Variants in COP1 observed in about 807,000 individuals in gnomAD.
The protein encoded by COP1 is COP1 E3 ubiquitin ligase.
COP1 carries 24 observed loss-of-function variants against 101.3 expected under a neutral mutation model. The observed-to-expected ratio is 0.24, with a 90% CI of 0.17 to 0.33. The LOEUF is 0.33. Among genes scored for constraint, COP1 ranks in the 10% least tolerant of loss-of-function variants. The probability of loss-of-function intolerance (pLI) is 1.00; values close to 1 mark genes in which losing one functional copy is unlikely to be tolerated. For synonymous variants in COP1, 347 were observed against 341.9 expected, an observed-to-expected ratio of 1.01 and a Z score of -0.17; for missense variants, 663 against 906.2, an observed-to-expected ratio of 0.73 and a Z score of 3.45.
In COP1 at chr1:175,978,599, T is replaced by A. The variant is rs192271786; in HGVS notation, c.2133+8344A>T. On this transcript the variant is annotated intron_variant, in intron 18 of 19. Transcript: ENST00000367669. ...GAAGAGTGAGGCACTGAGGAGGAGA[T>A]GGGAGTCTTTCTGGAAGTCAGGGTC... Among the ~76,000 whole-genome samples the A allele has an allele frequency of 3.0e-3, 455 of 152,156 alleles. 2 individuals are homozygous for A. Among genetic ancestry groups the A allele is most frequent in the African/African-American group, 0.01 (428 of 41,532 alleles).
In COP1 at chr1:176,081,238, G is replaced by A. The variant is rs1679076155; in HGVS notation, c.1191C>T (p.Ser397=). The A allele has an allele frequency of 1.9e-6, 3 of 1,608,244 alleles. No individual in the cohort carries two copies. Among genetic ancestry groups the A allele is most frequent in the Non-Finnish European group, 2.5e-6 (3 of 1,177,158 alleles). ...GTACTGAATTATATCGAGTAAACTT[G>A]GACAAGCATTCCTGAAATTCATCCA... ...SQLDEFQECL[S]KFTRYNSVRP... is the part of the protein sequence containing the mutation. The change falls in exon 11 of 20, where the codon TCC becomes TCT. Residue 397 remains serine (S), a synonymous_variant. Transcript: ENST00000367669.
At chr1:176,187,664 A>C (rs1698640524) in intron 1 of COP1, among the ~76,000 whole-genome samples, 1 of 152,196 alleles carries the variant, frequency 6.6e-6, no homozygotes, top group South Asian at 2.1e-4. Context: ...TAATCTTTCT[A>C]ATTGTAATTC....
At chr1:176,168,060 C>A (rs940737650) in intron 3 of COP1, among the ~76,000 whole-genome samples, 1 of 150,970 alleles carries the variant, frequency 6.6e-6, no homozygotes, top group Non-Finnish European at 1.5e-5. Context: ...ATTCAATTTA[C>A]GATTTTTTTT....
chr1:176,009,547 GTTTTT>G (rs1446028238), intron 15 of COP1, among the ~76,000 whole-genome samples: 4 of 152,114 alleles, frequency 2.6e-5, no homozygotes, highest in African/African-American at 9.7e-5. Context: ...CTGCACGAAG[GTTTTT>G]ACAGTGAGTT....
chr1:176,110,826 T>A (rs921869145), intron 9 of COP1, among the ~76,000 whole-genome samples: 1 of 152,218 alleles, frequency 6.6e-6, no homozygotes, highest in Non-Finnish European at 1.5e-5. Context: ...ATAACTTCTC[T>A]GTGTATCAGT....
At chr1:175,962,054 G>A (rs567328429) in intron 18 of COP1, among the ~76,000 whole-genome samples, 1 of 152,284 alleles carries the variant, frequency 6.6e-6, no homozygotes, top group South Asian at 2.1e-4. Context: ...TAATTTATCT[G>A]TGAATTTTAT....
chr1:176,154,439 G>T (rs917913673), intron 5 of COP1, among the ~76,000 whole-genome samples: 1 of 151,918 alleles, frequency 6.6e-6, no homozygotes, highest in Non-Finnish European at 1.5e-5. Context: ...GTACATACAC[G>T]ATAGAATGCT....
intron 14 of COP1, 118 bp from the exon 15 acceptor site, chr1:176,027,806 AT>A (rs1437519185): frequency 1.5e-6 from 1 of 661,512 alleles, no homozygotes. Flanking sequence ...ACTCTAAAAC[AT>A]TTGGTTTACT....
At chr1:176,158,912 G>A (rs1572592189) in intron 5 of COP1, among the ~76,000 whole-genome samples, 1 of 152,074 alleles carries the variant, frequency 6.6e-6, no homozygotes, top group Non-Finnish European at 1.5e-5. Flanking sequence ...AAGTGCTAGG[G>A]TTACAGGCGT....
In COP1 at chr1:176,176,026, A is replaced by G. The variant is rs1465776509; in HGVS notation, c.468-19T>C. On this transcript the variant is annotated intron_variant, in intron 2 of 19. Transcript: ENST00000367669. ...CTTGTAGCTATTAGTAGGGGGGGAA[A>G]AAAAAGGCTTAATTAAATCAATGAA... 1 of 1,194,782 alleles carries G rather than the reference A, an allele frequency of 8.4e-7. No homozygotes were observed. The highest frequency in any genetic ancestry group is 2.4e-5 in the East Asian group (1 of 42,398). The allele number at this position is 1,194,782 out of a possible 1,614,324, so 74.0% of individuals were successfully genotyped here.
intron 5 of COP1, among the ~76,000 whole-genome samples, chr1:176,152,965 G>A (rs1270940498): frequency 6.6e-6 from 1 of 152,014 alleles, no homozygotes; most frequent in Non-Finnish European, 1.5e-5. Context: ...ATTCACTTCT[G>A]CTTGTATAGA....
At chr1:176,058,348 T>C (rs1291258948) in intron 11 of COP1, among the ~76,000 whole-genome samples, 2 of 152,098 alleles carry the variant, frequency 1.3e-5, no homozygotes, top group Non-Finnish European at 2.9e-5. Context: ...GGGGAAAAGA[T>C]TGAGAAATCG....
intron 15 of COP1, among the ~76,000 whole-genome samples, chr1:176,027,292 G>A (rs143133160): frequency 1.3e-5 from 2 of 152,140 alleles, no homozygotes; most frequent in East Asian, 3.9e-4. Flanking sequence ...TTATGTTTGT[G>A]AATAAGTAAT....
Position 176,188,834 on chromosome 1 carries a change from T to TACACACACACAC in COP1, c.408-4154_408-4143dup, listed in dbSNP as rs10637320. The stretch of plus-strand genomic sequence containing the variant: ...CAGCCTAAGTGACAAAACACATAGA[T>TACACACACACAC]ACACACACACACACACACACACACA... On this transcript the variant is annotated intron_variant, in intron 1 of 19. Coordinates refer to ENST00000367669, the MANE Select transcript of COP1 (RefSeq NM_022457.7). 1.0e-3 allele frequency among the ~76,000 whole-genome samples: 154 copies of TACACACACACAC among 148,496 alleles called. 1 individual carries two copies. Among genetic ancestry groups the TACACACACACAC allele is most frequent in the African/African-American group, 2.2e-3 (88 of 40,158 alleles).
At chr1:176,131,018 A>G (rs976418318) in intron 8 of COP1, among the ~76,000 whole-genome samples, 2 of 151,850 alleles carry the variant, frequency 1.3e-5, no homozygotes, top group Admixed American at 1.3e-4. Context: ...CTTTGGGGAT[A>G]GTTACTTAAC....
chr1:176,006,969 A>G (rs901816008), intron 15 of COP1, among the ~76,000 whole-genome samples: 9 of 151,962 alleles, frequency 5.9e-5, no homozygotes, highest in African/African-American at 2.2e-4. Context: ...CATTCTCCCC[A>G]TCACTTTCAG....
chr1:175,962,628 T>G (rs185003711), intron 18 of COP1, among the ~76,000 whole-genome samples: 1 of 152,100 alleles, frequency 6.6e-6, no homozygotes, highest in Non-Finnish European at 1.5e-5. Flanking sequence ...ATCAAATAAA[T>G]TTGTATGCCT....
chr1:176,155,780 T>G (rs1558221734), intron 5 of COP1, among the ~76,000 whole-genome samples: 1 of 152,038 alleles, frequency 6.6e-6, no homozygotes, highest in Non-Finnish European at 1.5e-5. Context: ...AAAAACGATA[T>G]ACTAGCTTTA....
chr1:176,177,988 T>C (rs1283343735), intron 2 of COP1, among the ~76,000 whole-genome samples: 1 of 152,166 alleles, frequency 6.6e-6, no homozygotes, highest in Non-Finnish European at 1.5e-5. Context: ...AAATATCTAC[T>C]GAAAAATGAC....
Sources: gnomAD v4.1 joint callset for allele counts (sites outside exome capture counted in the v4.1 genomes callset) on GRCh38, gnomAD v4.1.1 for gene constraint, MANE v1.5 for transcripts, NCBI Gene and HGNC (gene_info 2026-07-23, HGNC 2026-07-21) for gene names.